GALNT16: variants seen among roughly 807,000 people sequenced by gnomAD.
GALNT16 encodes UDP-GalNAc:polypeptide N-acetylgalactosaminyltransferase-like protein 1.
Under a neutral mutation model 76.1 loss-of-function variants are expected in GALNT16, and 40 were observed. The observed-to-expected ratio is 0.53, with a 90% confidence interval of 0.41 to 0.68. The LOEUF (loss-of-function observed/expected upper bound fraction) is 0.68, where lower values mean the gene tolerates loss of function less well. Among genes scored for constraint, GALNT16 ranks in the 30% least tolerant of loss-of-function variants. The pLI, the probability that GALNT16 is intolerant of heterozygous loss-of-function variation, is 0.00. For missense variants in GALNT16, 621 were observed against 731.9 expected (o/e 0.85, Z 1.75); for synonymous variants, 276 against 285.2 (o/e 0.97, Z 0.32).
At chr14:69,329,969 C>CT (rs2045332613) in intron 6 of GALNT16, among the ~76,000 whole-genome samples, 1 of 152,084 alleles carries the variant, frequency 6.6e-6, no homozygotes. Flanking sequence ...TATCAGGAGC[C>CT]TTCATATATT....
chr14:69,320,908 G>A, intron 2 of GALNT16, 40 bp downstream of exon 2: 1 of 1,586,972 alleles, frequency 6.3e-7, no homozygotes, highest in Non-Finnish European at 8.6e-7. Flanking sequence ...GAAAGACTGA[G>A]AGAAAGCCAA....
In GALNT16 at chr14:69,348,117, G is replaced by A. The variant is rs751299135; in HGVS notation, c.1539+115G>A. ...ACTCAAATAAGCCCTTCAGAGCGAG[G>A]ATCTGTGGGGAGGGGGAGCAAAGTC... On this transcript the variant is annotated intron_variant, in intron 14 of 14. Coordinates refer to ENST00000448469, the MANE Select transcript of GALNT16 (RefSeq NM_001168368.2). 14 of 1,060,574 alleles carry A rather than the reference G, an allele frequency of 1.3e-5. No homozygotes were observed. In the African/African-American group the frequency reaches 1.9e-4, roughly 14 times the overall value. The allele number at this position is 1,060,574 out of a possible 1,614,324, so 65.7% of individuals were successfully genotyped here. A position where few individuals can be genotyped will look rare whatever the true frequency, so the allele number is the denominator to read the frequency against.
chr14:69,293,890 C>T (rs1198871010), intron 1 of GALNT16, among the ~76,000 whole-genome samples: 5 of 151,418 alleles, frequency 3.3e-5, no homozygotes, highest in African/African-American at 1.2e-4. Context: ...AATGCCAGAA[C>T]CCATACTTTT....
chr14:69,270,468 G>A (rs1205733079), intron 1 of GALNT16, among the ~76,000 whole-genome samples: 2 of 152,218 alleles, frequency 1.3e-5, no homozygotes, highest in East Asian at 1.9e-4. Flanking sequence ...CGTGCCCTGT[G>A]AGATGCTTCT....
At position 69,333,356 on chromosome 14, in the gene GALNT16, C is replaced by T. The variant is rs1488795055; in HGVS notation, c.864-141C>T. The stretch of plus-strand genomic sequence containing the variant: ...GGCCACGGGAACAGATGTGGGGGGC[C>T]AGGGAGCTGGCCAGACATCCTGCCC... On this transcript the variant is annotated intron_variant, in intron 8 of 14. Coordinates refer to ENST00000448469, the MANE Select transcript of GALNT16 (RefSeq NM_001168368.2). The surrounding 1 kb of genome is among the most constrained non-coding windows in gnomAD (Gnocchi z 4.2). The T allele has an allele frequency of 5.6e-6, 4 of 710,420 alleles. No homozygotes were observed. The highest frequency in any genetic ancestry group is 1.0e-5 in the Non-Finnish European group (4 of 401,756). 44.0% of individuals were successfully genotyped at this position (710,420 alleles called of 1,614,324 possible). A position where few individuals can be genotyped will look rare whatever the true frequency, so the allele number is the denominator to read the frequency against.
Position 69,333,354 on chromosome 14 carries a change from G to T in GALNT16, c.864-143G>T, listed in dbSNP as rs1219225555. The T allele has an allele frequency of 1.4e-6, 1 of 708,262 alleles. No homozygotes were observed. Among genetic ancestry groups the T allele is most frequent in the Non-Finnish European group, 2.5e-6 (1 of 400,028 alleles). The allele number at this position is 708,262 out of a possible 1,614,324, so 43.9% of individuals were successfully genotyped here. On this transcript the variant is annotated intron_variant, in intron 8 of 14. Transcript: ENST00000448469. The surrounding 1 kb of genome is among the most constrained non-coding windows in gnomAD (Gnocchi z 4.2). ...GAGGCCACGGGAACAGATGTGGGGG[G>T]CCAGGGAGCTGGCCAGACATCCTGC...
intron 13 of GALNT16, among the ~76,000 whole-genome samples, chr14:69,347,654 C>T (rs2045583941): frequency 6.6e-6 from 1 of 152,218 alleles, no homozygotes; most frequent in African/African-American, 2.4e-5. Flanking sequence ...TGGCCAGCTC[C>T]AGCTAAGCTC....
chr14:69,297,699 T>A (rs2044787841), intron 1 of GALNT16, among the ~76,000 whole-genome samples: 1 of 152,110 alleles, frequency 6.6e-6, no homozygotes, highest in Non-Finnish European at 1.5e-5. Flanking sequence ...TAACATTTTT[T>A]TAAAAACAAA....
At chr14:69,359,395 G>A (rs574660552), downstream of GALNT16, 5 of 152,304 alleles carry the variant, frequency 3.3e-5, no homozygotes, top group African/African-American at 7.2e-5. Context: ...TAGAAAGCAC[G>A]CAATATACAC....
At chr14:69,341,911 T>G in intron 12 of GALNT16, 147 bp downstream of exon 12, 1 of 634,926 alleles carries the variant, frequency 1.6e-6, no homozygotes, top group Non-Finnish European at 2.9e-6. Flanking sequence ...GTGACGGCTG[T>G]GGGGGAACTG....
chr14:69,260,748 G>A (rs1362126414), intron 1 of GALNT16, among the ~76,000 whole-genome samples: 1 of 151,934 alleles, frequency 6.6e-6, no homozygotes, highest in Non-Finnish European at 1.5e-5. Context: ...GGAACGTGGC[G>A]GCTCTCCCGG....
rs191821816 is a variant in GALNT16 at position 69,307,530 on chromosome 14, C to T, written c.178-13181C>T. ...TTATACAGTCATTTAGTGATGGCCT[C>T]CCATGACCCGATGTGCTTGACACCC... is the stretch of plus-strand genomic sequence containing the variant. On this transcript the variant is annotated intron_variant, in intron 1 of 14. Transcript: ENST00000448469. Among the ~76,000 whole-genome samples, 93 of 152,250 alleles carry T rather than the reference C, an allele frequency of 6.1e-4. 1 individual carries two copies. The highest frequency in any genetic ancestry group is 2.7e-3 in the Admixed American group (41 of 15,292).
chr14:69,323,270 T>G (rs1431071106), intron 2 of GALNT16, among the ~76,000 whole-genome samples: 1 of 152,192 alleles, frequency 6.6e-6, no homozygotes, highest in Non-Finnish European at 1.5e-5. Context: ...AACTCAGGGC[T>G]GGGACAAACC....
chr14:69,316,774 T>TGGGGGGGG (rs765892301), intron 1 of GALNT16, among the ~76,000 whole-genome samples: 1 of 42,668 alleles, frequency 2.3e-5, no homozygotes, highest in Non-Finnish European at 4.7e-5. Context: ...TTGTAGTCTG[T>TGGGGGGGG]GAGGGGGGGG....
At chr14:69,343,367 T>C (rs1271713044) in intron 12 of GALNT16, among the ~76,000 whole-genome samples, 1 of 152,192 alleles carries the variant, frequency 6.6e-6, no homozygotes, top group African/African-American at 2.4e-5. Flanking sequence ...TTAACCCTGA[T>C]AATTATAATC....
the GALNT16 span, among the ~76,000 whole-genome samples, chr14:69,371,320 C>T: frequency 6.6e-6 from 1 of 152,132 alleles, no homozygotes; most frequent in East Asian, 1.9e-4. Flanking sequence ...GTGGTGCGAT[C>T]TCAGCTCACT....
intron 11 of GALNT16, among the ~76,000 whole-genome samples, chr14:69,340,461 A>T (rs2045472052): frequency 6.6e-6 from 1 of 151,156 alleles, no homozygotes; most frequent in Non-Finnish European, 1.5e-5. Flanking sequence ...TGGCGAATTC[A>T]AGTTTGGCTT....
the GALNT16 span, among the ~76,000 whole-genome samples, chr14:69,367,658 A>G: frequency 6.6e-6 from 1 of 151,412 alleles, no homozygotes; most frequent in African/African-American, 2.4e-5. Context: ...AAAAAAAAAA[A>G]AGAAAAAGAA....
At chr14:69,370,914 T>C in the GALNT16 span, among the ~76,000 whole-genome samples, 5 of 152,368 alleles carry the variant, frequency 3.3e-5, no homozygotes, top group African/African-American at 1.2e-4. Context: ...ATCCCACCTA[T>C]GCTAGGGTCA....
Sources: gnomAD v4.1 joint callset for allele counts (sites outside exome capture counted in the v4.1 genomes callset) on GRCh38, gnomAD v4.1.1 for gene constraint, Gnocchi (gnomAD v3.1) non-coding constraint, MANE v1.5 for transcripts, NCBI Gene and HGNC (gene_info 2026-07-23, HGNC 2026-07-21) for gene names.